The following RUNX1 variants were observed in gnomAD, a reference collection of about 807,000 sequenced individuals.
The protein encoded by RUNX1 is RUNX family transcription factor 1.
RUNX1 carries 19 observed loss-of-function variants against 42.8 expected under a neutral mutation model. The observed-to-expected ratio is 0.44, with a 90% CI of 0.31 to 0.65. The LOEUF (loss-of-function observed/expected upper bound fraction) is 0.65, where lower values mean the gene tolerates loss of function less well. Ranked by LOEUF, RUNX1 falls within the 30% of genes least tolerant of loss-of-function variation. RUNX1 has a pLI of 0.07. For synonymous variants in RUNX1, 271 were observed against 289.4 expected (o/e 0.94, Z 0.64); for missense variants, 528 against 672.0 (o/e 0.79, Z 2.37).
chr21:35,020,898 C>T (rs2059193649), intron 2 of RUNX1, among the ~76,000 whole-genome samples: 1 of 152,120 alleles, frequency 6.6e-6, no homozygotes, highest in African/African-American at 2.4e-5. Flanking sequence ...TGACCTAAGT[C>T]CTTGTCAGTA....
At chr21:34,816,281 C>T (rs373495642) in intron 7 of RUNX1, among the ~76,000 whole-genome samples, 4 of 152,264 alleles carry the variant, frequency 2.6e-5, no homozygotes, top group Middle Eastern at 3.4e-3. Flanking sequence ...GGGCTAGGTT[C>T]GTGGGGGTCC....
At chr21:34,849,782 T>C (rs1370767170) in intron 6 of RUNX1, among the ~76,000 whole-genome samples, 1 of 151,378 alleles carries the variant, frequency 6.6e-6, no homozygotes, top group Non-Finnish European at 1.5e-5. Flanking sequence ...GCAAACCTTC[T>C]CTAAAAGTTG....
chr21:34,919,652 A>G (rs533736221), intron 2 of RUNX1, among the ~76,000 whole-genome samples: 3 of 152,328 alleles, frequency 2.0e-5, no homozygotes, highest in Non-Finnish European at 4.4e-5. Context: ...ATGGAGATAA[A>G]AATACTTTCT....
chr21:34,882,159 A>AT (rs1285605716), intron 4 of RUNX1, among the ~76,000 whole-genome samples: 3 of 152,254 alleles, frequency 2.0e-5, no homozygotes, highest in East Asian at 3.9e-4. Flanking sequence ...CTCTTTTTCT[A>AT]TATGTAAAAA....
chr21:35,043,003 A>C (rs1179220387), intron 2 of RUNX1, among the ~76,000 whole-genome samples: 1 of 152,200 alleles, frequency 6.6e-6, no homozygotes, highest in Non-Finnish European at 1.5e-5. Context: ...TCAGAGAGCC[A>C]AGAGAGTATA....
At position 34,791,015 on chromosome 21, in the gene RUNX1, C is replaced by T. The variant is rs2056427241; in HGVS notation, c.*1120G>A. ...CCCTCTGGAACTAGATTGACCTTCT[C>T]TGTTTTAAGGAGGAAGTTAGATATG... On this transcript the variant is annotated 3_prime_UTR_variant, in exon 9 of 9. Coordinates refer to ENST00000675419, the MANE Select transcript of RUNX1 (RefSeq NM_001754.5). 2 of 233,586 alleles carry T rather than the reference C, an allele frequency of 8.6e-6. No individual in the cohort carries two copies. The highest frequency in any genetic ancestry group is 1.7e-5 in the Non-Finnish European group (2 of 118,042). The allele number at this position is 233,586 out of a possible 1,614,324, so 14.5% of individuals were successfully genotyped here.
intron 3 of RUNX1, chr21:34,888,099 G>C: frequency 1.9e-6 from 2 of 1,066,132 alleles, no homozygotes; most frequent in East Asian, 5.0e-5. Flanking sequence ...ATGCAAACAC[G>C]CACTCTTCGG....
intron 2 of RUNX1, among the ~76,000 whole-genome samples, chr21:35,018,839 C>T (rs2059177958): frequency 2.0e-5 from 3 of 152,172 alleles, no homozygotes; most frequent in Admixed American, 2.0e-4. Context: ...CCAACCTGCC[C>T]AACGATCTGC....
intron 6 of RUNX1, among the ~76,000 whole-genome samples, chr21:34,857,771 T>C (rs2057515741): frequency 6.6e-6 from 1 of 152,234 alleles, no homozygotes; most frequent in East Asian, 1.9e-4. Context: ...GTTTATGTTC[T>C]GTTTAATGCA....
At chr21:34,939,888 A>AG (rs894922699) in intron 2 of RUNX1, among the ~76,000 whole-genome samples, 1 of 152,164 alleles carries the variant, frequency 6.6e-6, no homozygotes, top group Non-Finnish European at 1.5e-5. Context: ...AAGACCTTTC[A>AG]GGTTAGCCCA....
At chr21:34,803,453 A>C (rs2056636087) in intron 7 of RUNX1, among the ~76,000 whole-genome samples, 1 of 152,090 alleles carries the variant, frequency 6.6e-6, no homozygotes, top group East Asian at 1.9e-4. Flanking sequence ...AGGCTGAGGC[A>C]GGAGAATGGC....
intron 2 of RUNX1, among the ~76,000 whole-genome samples, chr21:34,930,926 T>A (rs2058439520): frequency 6.6e-6 from 1 of 152,168 alleles, no homozygotes; most frequent in Non-Finnish European, 1.5e-5. Context: ...TGGTTGAATC[T>A]GCCAGGCAAC....
chr21:34,859,467 C>T lies in RUNX1; in HGVS notation c.613+7G>A, dbSNP rs1375122279. On this transcript the variant is annotated splice_region_variant and intron_variant, in intron 6 of 8. Transcript: ENST00000675419. Reference sequence around the variant, plus strand: ...AGGGTGTACCAGCCCCAAGTGGATGCACTTACTTCGAGGTTCTCGGGGCCC... The same window carrying T: ...AGGGTGTACCAGCCCCAAGTGGATGTACTTACTTCGAGGTTCTCGGGGCCC... The T allele has an allele frequency of 5.6e-6, 9 of 1,596,332 alleles. No homozygotes were observed. In the East Asian group the frequency reaches 1.6e-4, roughly 28 times the overall value.
chr21:34,788,271 G>A lies in RUNX1; in HGVS notation c.*3864C>T, dbSNP rs912354656. 4.3e-6 allele frequency: 1 copy of A among 233,536 alleles called. No individual in the cohort carries two copies. Among genetic ancestry groups the A allele is most frequent in the African/African-American group, 2.2e-5 (1 of 45,340 alleles). 14.5% of individuals were successfully genotyped at this position (233,536 alleles called of 1,614,324 possible). On this transcript the variant is annotated 3_prime_UTR_variant, in exon 9 of 9. Transcript: ENST00000675419. ...ATTTCCCGTTGCTTTTTCAGTAGAT[G>A]TGTTATACCGTCATTTCAATTTGAA...
intron 2 of RUNX1, among the ~76,000 whole-genome samples, chr21:34,924,094 C>CTG (rs2058374886): frequency 6.6e-6 from 1 of 152,170 alleles, no homozygotes; most frequent in African/African-American, 2.4e-5. Context: ...TGACCCACCC[C>CTG]CCGCCATGGT....
chr21:34,838,668 T>C (rs1200338553), intron 6 of RUNX1, among the ~76,000 whole-genome samples: 1 of 152,216 alleles, frequency 6.6e-6, no homozygotes, highest in African/African-American at 2.4e-5. Context: ...GCTACTGTTT[T>C]ATGACAATGG....
chr21:34,974,401 A>G (rs950284997), intron 2 of RUNX1, among the ~76,000 whole-genome samples: 2 of 151,764 alleles, frequency 1.3e-5, no homozygotes, highest in African/African-American at 4.9e-5. Context: ...AAACCGTGAA[A>G]AAAAAAAAAA....
intron 2 of RUNX1, among the ~76,000 whole-genome samples, chr21:35,006,954 T>C (rs2059089521): frequency 6.6e-6 from 1 of 152,162 alleles, no homozygotes; most frequent in Non-Finnish European, 1.5e-5. Flanking sequence ...CAAATGACAC[T>C]GTCACCCTCT....
chr21:34,997,337 T>A (rs1329061533), intron 2 of RUNX1, among the ~76,000 whole-genome samples: 3 of 150,982 alleles, frequency 2.0e-5, no homozygotes, highest in African/African-American at 7.3e-5. Context: ...AAATTCACAA[T>A]AAAAAAAAAT....
Sources: allele counts gnomAD v4.1 joint callset (sites outside exome capture counted in the v4.1 genomes callset), GRCh38; gene constraint gnomAD v4.1.1; transcripts MANE v1.5; gene names NCBI Gene and HGNC (gene_info 2026-07-23, HGNC 2026-07-21).